CALCRL: variants seen among roughly 807,000 people sequenced by gnomAD.
CALCRL encodes the protein calcitonin gene-related peptide type 1 receptor.
A neutral mutation model predicts 60.4 loss-of-function variants in CALCRL; 27 were observed. That is an observed-to-expected ratio of 0.45 (90% CI 0.33 to 0.62). CALCRL has a LOEUF of 0.62. CALCRL is among the 20% of genes least tolerant of loss of function. The probability of loss-of-function intolerance (pLI) is 0.03; values close to 1 mark genes in which losing one functional copy is unlikely to be tolerated. For synonymous variants in CALCRL, 190 were observed against 182.6 expected, an observed-to-expected ratio of 1.04 and a Z score of -0.33; for missense variants, 424 against 540.7, an observed-to-expected ratio of 0.78 and a Z score of 2.14.
chr2:187,434,623 A>G (rs1384743147), intron 1 of CALCRL, among the ~76,000 whole-genome samples: 2 of 152,172 alleles, frequency 1.3e-5, no homozygotes, highest in Non-Finnish European at 1.5e-5. Context: ...AATCATGGAC[A>G]TATGTGTACC....
chr2:187,343,369 A>T lies in CALCRL; in HGVS notation c.*2815T>A, dbSNP rs1307825176. 3 of 151,946 alleles carry T rather than the reference A, an allele frequency of 2.0e-5. No homozygotes were observed. Among genetic ancestry groups the T allele is most frequent in the African/African-American group, 7.2e-5 (3 of 41,418 alleles). The allele number at this position is 151,946 out of a possible 1,614,324, so 9.4% of individuals were successfully genotyped here. ...TACTCTAGGCATAACATAAATTGTT[A>T]TAATTGATCAGAATATCTTGAATAT... On this transcript the variant is annotated 3_prime_UTR_variant, in exon 15 of 15. Coordinates refer to ENST00000392370, the MANE Select transcript of CALCRL (RefSeq NM_005795.6).
intron 8 of CALCRL, among the ~76,000 whole-genome samples, chr2:187,374,774 C>A (rs1687675267): frequency 6.6e-6 from 1 of 152,072 alleles, no homozygotes; most frequent in African/African-American, 2.4e-5. Context: ...TCTTACTACT[C>A]ATTGACGGGC....
intron 1 of CALCRL, among the ~76,000 whole-genome samples, chr2:187,388,928 T>C (rs1280821954): frequency 6.6e-6 from 1 of 151,980 alleles, no homozygotes; most frequent in Non-Finnish European, 1.5e-5. Flanking sequence ...GCTCAAGAAA[T>C]TTTTGCTAAA....
At chr2:187,422,174 CA>C (rs2105875034) in intron 1 of CALCRL, among the ~76,000 whole-genome samples, 1 of 152,098 alleles carries the variant, frequency 6.6e-6, no homozygotes, top group African/African-American at 2.4e-5. Context: ...ACTAAAATTC[CA>C]ATAAAAAATT....
intron 4 of CALCRL, 60 bp downstream of exon 4, chr2:187,385,485 A>G: frequency 1.2e-6 from 1 of 833,062 alleles, no homozygotes. Context: ...AATATTCTTT[A>G]TCAATTATAG....
At chr2:187,366,100 G>A (rs964415970) in intron 8 of CALCRL, among the ~76,000 whole-genome samples, 52 of 150,762 alleles carry the variant, frequency 3.4e-4, no homozygotes, top group African/African-American at 1.2e-3. Flanking sequence ...AAAATTAGCC[G>A]GGCGCGGTGG....
intron 1 of CALCRL, among the ~76,000 whole-genome samples, chr2:187,416,412 CT>C (rs1261939801): frequency 1.3e-5 from 2 of 151,976 alleles, no homozygotes; most frequent in Non-Finnish European, 2.9e-5. Context: ...CCCTGTTATC[CT>C]AGTAATAGAT....
At chr2:187,381,826 C>T (rs989646672) in intron 5 of CALCRL, among the ~76,000 whole-genome samples, 5 of 152,036 alleles carry the variant, frequency 3.3e-5, no homozygotes, top group Non-Finnish European at 7.4e-5. Context: ...TTGTTTTTAA[C>T]AGATTTGCAA....
chr2:187,384,883 C>G (rs1214447587), intron 4 of CALCRL, among the ~76,000 whole-genome samples: 1 of 152,016 alleles, frequency 6.6e-6, no homozygotes, highest in South Asian at 2.1e-4. Flanking sequence ...ATGGGTGATT[C>G]ATTACTATAA....
At position 187,363,494 on chromosome 2, in the gene CALCRL, C is replaced by G. The variant is rs1325706937; in HGVS notation, c.509G>C (p.Ser170Thr). 2 of 1,593,972 alleles carry G rather than the reference C, an allele frequency of 1.3e-6. No homozygotes were observed. The highest frequency in any genetic ancestry group is 1.7e-6 in the Non-Finnish European group (2 of 1,171,278). ...LGIFFYFKSLSCQRITLHKNL... is the reference protein window; with the variant it reads ...LGIFFYFKSLTCQRITLHKNL... ...TTTGTGTAAGGTAATCCTTTGGCAACTTAGGCTCCTAAAAAGCAAGAAAAA... is the reference window on the plus strand; with the variant it reads ...TTTGTGTAAGGTAATCCTTTGGCAAGTTAGGCTCCTAAAAAGCAAGAAAAA... Residue 170 changes from serine to threonine, a missense_variant, in exon 9 of 15, where the codon AGT becomes ACT. Physicochemically the swap from Ser to Thr is moderately conservative, Grantham distance 58 (BLOSUM62 1). Transcript: ENST00000392370.
At chr2:187,369,595 T>G (rs1025259052) in intron 8 of CALCRL, among the ~76,000 whole-genome samples, 2 of 152,194 alleles carry the variant, frequency 1.3e-5, no homozygotes, top group African/African-American at 4.8e-5. Flanking sequence ...TCTAGTCACT[T>G]ACTATTGGAT....
At chr2:187,422,332 C>T (rs1452361619) in intron 1 of CALCRL, among the ~76,000 whole-genome samples, 1 of 152,178 alleles carries the variant, frequency 6.6e-6, no homozygotes, top group East Asian at 1.9e-4. Flanking sequence ...AATAACAAGT[C>T]TGGCTTGATA....
At position 187,372,904 on chromosome 2, in the gene CALCRL, A is replaced by AT. The variant is rs1687595927; in HGVS notation, c.500+6035dup. ...GATTCATGAACCATTCAAATTCAAT[A>AT]TTTTCTGAGGTGGCCCTACTCTTCT... On this transcript the variant is annotated intron_variant, in intron 8 of 14. Transcript: ENST00000392370. Among the ~76,000 whole-genome samples, 3 of 152,068 alleles carry AT rather than the reference A, an allele frequency of 2.0e-5. No individual in the cohort carries two copies. The South Asian group carries it at 6.2e-4, about 32-fold the overall frequency.
At chr2:187,422,978 C>T (rs1689949282) in intron 1 of CALCRL, among the ~76,000 whole-genome samples, 1 of 151,920 alleles carries the variant, frequency 6.6e-6, no homozygotes, top group Admixed American at 6.6e-5. Flanking sequence ...TTTGAAAGCT[C>T]TGTGTTCAGA....
chr2:187,423,411 T>TATGGTATCAAATATGTAGAATCTGAG (rs1689974528), intron 1 of CALCRL, among the ~76,000 whole-genome samples: 1 of 151,756 alleles, frequency 6.6e-6, no homozygotes. Flanking sequence ...TCCCACCAAA[T>TATGGTATCAAATATGTAGAATCTGAG]ATGGTATCAA....
intron 1 of CALCRL, chr2:187,436,722 T>G (rs1690660530): frequency 6.6e-6 from 1 of 152,230 alleles, no homozygotes; most frequent in Non-Finnish European, 1.5e-5. Flanking sequence ...CATGGCCATG[T>G]AGGCCAAAGC....
intron 12 of CALCRL, among the ~76,000 whole-genome samples, chr2:187,357,777 C>T (rs1686862708): frequency 6.6e-6 from 1 of 150,400 alleles, no homozygotes; most frequent in South Asian, 2.1e-4. Flanking sequence ...CACATGTACC[C>T]TAAAACTTAA....
chr2:187,419,447 C>G (rs1393146573), intron 1 of CALCRL, among the ~76,000 whole-genome samples: 1 of 152,138 alleles, frequency 6.6e-6, no homozygotes, highest in African/African-American at 2.4e-5. Context: ...ACACCTTGAT[C>G]TTGGACTTCC....
intron 1 of CALCRL, among the ~76,000 whole-genome samples, chr2:187,395,574 C>T (rs2105811316): frequency 6.6e-6 from 1 of 152,124 alleles, no homozygotes; most frequent in Middle Eastern, 3.4e-3. Flanking sequence ...AATTTGTTAC[C>T]TTACCCTATT....
Sources: gnomAD v4.1 joint callset for allele counts (sites outside exome capture counted in the v4.1 genomes callset) on GRCh38, gnomAD v4.1.1 for gene constraint, MANE v1.5 for transcripts, NCBI Gene and HGNC (gene_info 2026-07-23, HGNC 2026-07-21) for gene names.